The following ERCC6L2 variants were observed in gnomAD, a reference collection of about 807,000 sequenced individuals.
ERCC6L2 encodes DNA excision repair protein ERCC-6-like 2.
ERCC6L2 carries 77 observed loss-of-function variants against 132.0 expected under a neutral mutation model. That is an observed-to-expected ratio of 0.58 (90% CI 0.49 to 0.71). The LOEUF (loss-of-function observed/expected upper bound fraction) is 0.71, where lower values mean the gene tolerates loss of function less well. ERCC6L2 is among the 30% of genes least tolerant of loss of function. The pLI is 0.00. For missense variants in ERCC6L2, 1,542 were observed against 1,837.6 expected (o/e 0.84, Z 2.94); for synonymous variants, 583 against 632.4 (o/e 0.92, Z 1.17).
At chr9:96,031,749 G>A (rs1834462943) in intron 19 of ERCC6L2, among the ~76,000 whole-genome samples, 1 of 152,096 alleles carries the variant, frequency 6.6e-6, no homozygotes, top group Admixed American at 6.5e-5. Context: ...CACCATCCCT[G>A]GGGACCCACT....
chr9:96,025,236 C>CA (rs1330880893), intron 19 of ERCC6L2, among the ~76,000 whole-genome samples: 1 of 152,222 alleles, frequency 6.6e-6, no homozygotes, highest in East Asian at 1.9e-4. Context: ...CACCCTGTGT[C>CA]ACCAGCTCAC....
intron 1 of ERCC6L2, among the ~76,000 whole-genome samples, chr9:95,879,298 T>C (rs1183779222): frequency 1.3e-5 from 2 of 152,260 alleles, no homozygotes; most frequent in Non-Finnish European, 2.9e-5. Flanking sequence ...ACCATCATTT[T>C]TGACATTAGT....
downstream of ERCC6L2, among the ~76,000 whole-genome samples, chr9:96,022,256 C>T (rs1424193559): frequency 6.6e-6 from 1 of 152,194 alleles, no homozygotes; most frequent in African/African-American, 2.4e-5. Flanking sequence ...ACCGCTTCCC[C>T]GGGAGCCCGT....
Position 95,876,184 on chromosome 9 carries a change from GA to G in ERCC6L2, c.46+101del. ...CTTCGGGTTGGGGTTTTGCCCTGTA[GA>G]TCCTCTTCAGTGACAGCTGCAGATT... On this transcript the variant is annotated intron_variant, in intron 1 of 18. Transcript: ENST00000653738. The G allele has an allele frequency of 2.7e-6, 3 of 1,127,276 alleles. No homozygotes were observed. In the South Asian group the frequency reaches 4.3e-5, roughly 16 times the overall value. The allele number at this position is 1,127,276 out of a possible 1,614,324, so 69.8% of individuals were successfully genotyped here. A position where few individuals can be genotyped will look rare whatever the true frequency, so the allele number is the denominator to read the frequency against.
At chr9:95,970,244 G>C (rs1832352753) in intron 14 of ERCC6L2, among the ~76,000 whole-genome samples, 1 of 151,996 alleles carries the variant, frequency 6.6e-6, no homozygotes, top group African/African-American at 2.4e-5. Context: ...TGGTTGTTAT[G>C]GATATCATAC....
intron 17 of ERCC6L2, among the ~76,000 whole-genome samples, chr9:95,979,778 G>A (rs1043620884): frequency 6.6e-6 from 1 of 152,110 alleles, no homozygotes; most frequent in Non-Finnish European, 1.5e-5. Context: ...CCTTGTATGT[G>A]CCATCTGAAA....
chr9:96,034,307 C>T (rs1319039335), intron 19 of ERCC6L2, among the ~76,000 whole-genome samples: 1 of 152,104 alleles, frequency 6.6e-6, no homozygotes, highest in East Asian at 1.9e-4. Context: ...ATGTGGATGT[C>T]GGAGGAAACT....
intron 16 of ERCC6L2, among the ~76,000 whole-genome samples, chr9:95,975,876 T>C (rs963745719): frequency 1.3e-5 from 2 of 151,844 alleles, no homozygotes; most frequent in Non-Finnish European, 2.9e-5. Flanking sequence ...TTTTGAAATT[T>C]AAAAAAAAAT....
intron 11 of ERCC6L2, among the ~76,000 whole-genome samples, chr9:95,939,122 A>C (rs1402999397): frequency 1.3e-5 from 2 of 152,114 alleles, no homozygotes; most frequent in Non-Finnish European, 2.9e-5. Context: ...TTTCCTCTAC[A>C]TGCCCTAAGC....
intron 17 of ERCC6L2, among the ~76,000 whole-genome samples, chr9:95,987,275 G>C (rs1408914178): frequency 6.6e-6 from 1 of 152,144 alleles, no homozygotes; most frequent in Non-Finnish European, 1.5e-5. Flanking sequence ...ACTCATTTCA[G>C]CATTAATTCA....
intron 9 of ERCC6L2, among the ~76,000 whole-genome samples, chr9:95,924,022 C>G (rs1829995320): frequency 6.6e-6 from 1 of 152,212 alleles, no homozygotes; most frequent in South Asian, 2.1e-4. Context: ...GAAATGCTGA[C>G]AGCTTCCTGC....
chr9:95,892,940 G>A (rs776800865), intron 2 of ERCC6L2, among the ~76,000 whole-genome samples: 4 of 152,038 alleles, frequency 2.6e-5, no homozygotes, highest in Non-Finnish European at 5.9e-5. Context: ...TAATTCTTAT[G>A]TATGGATTTG....
At chr9:95,946,392 A>G (rs748697181) in intron 12 of ERCC6L2, among the ~76,000 whole-genome samples, 29 of 151,994 alleles carry the variant, frequency 1.9e-4, no homozygotes, top group Admixed American at 3.9e-4. Context: ...GCCAAGCGTG[A>G]TGGCAGGCGC....
At chr9:96,034,573 G>A (rs768884102) in intron 19 of ERCC6L2, among the ~76,000 whole-genome samples, 4 of 152,328 alleles carry the variant, frequency 2.6e-5, no homozygotes, top group South Asian at 4.1e-4. Flanking sequence ...AGAGCATTAT[G>A]AGCAAAAGGA....
intron 11 of ERCC6L2, among the ~76,000 whole-genome samples, chr9:95,935,778 T>C (rs1830527752): frequency 6.6e-6 from 1 of 152,200 alleles, no homozygotes; most frequent in Admixed American, 6.5e-5. Context: ...GATTGGTCTC[T>C]GATGAATAGG....
At chr9:96,037,738 G>C (rs569141443) in intron 19 of ERCC6L2, among the ~76,000 whole-genome samples, 1 of 152,282 alleles carries the variant, frequency 6.6e-6, no homozygotes, top group Non-Finnish European at 1.5e-5. Flanking sequence ...TGAAGGATGA[G>C]TTTGGTGAGA....
At chr9:96,026,859 C>CACACCACACAG (rs1834377591) in intron 19 of ERCC6L2, among the ~76,000 whole-genome samples, 1 of 143,256 alleles carries the variant, frequency 7.0e-6, no homozygotes, top group Non-Finnish European at 1.6e-5. Context: ...ACCACACAAA[C>CACACCACACAG]ACACCACACA....
rs1282362873 is a variant in ERCC6L2 at position 95,921,164 on chromosome 9, T to C, written c.1159-11T>C. On this transcript the variant is annotated splice_polypyrimidine_tract_variant and intron_variant, in intron 6 of 18. Transcript: ENST00000653738. ...AAATACTAATAACTACCTTGTATTT[T>C]ATCTTGGCAGATGGTGTATTGTTCT... 7.5e-6 allele frequency: 12 copies of C among 1,599,392 alleles called. No homozygotes were observed. Among genetic ancestry groups the C allele is most frequent in the Non-Finnish European group, 8.5e-6 (10 of 1,173,968 alleles).
rs1352170362 is a variant in ERCC6L2 at position 96,016,065 on chromosome 9, G to A, written c.*2862G>A. The stretch of plus-strand genomic sequence containing the variant: ...CTGAGAACAGACACTAGGAAGGTTT[G>A]ACAAGATCCTTCCTACCCCCACTCC... On this transcript the variant is annotated 3_prime_UTR_variant, in exon 19 of 19. Coordinates refer to ENST00000653738, the MANE Select transcript of ERCC6L2 (RefSeq NM_020207.7). Among the ~76,000 whole-genome samples, 1 of 152,134 alleles carries A rather than the reference G, an allele frequency of 6.6e-6. No homozygotes were observed. The highest frequency in any genetic ancestry group is 1.5e-5 in the Non-Finnish European group (1 of 68,012).
Sources: gnomAD v4.1 joint callset for allele counts (sites outside exome capture counted in the v4.1 genomes callset) on GRCh38, gnomAD v4.1.1 for gene constraint, MANE v1.5 for transcripts, NCBI Gene and HGNC (gene_info 2026-07-23, HGNC 2026-07-21) for gene names.